The following EVC2 variants were observed in gnomAD, a reference collection of about 807,000 sequenced individuals.
EVC2 encodes the protein EvC ciliary complex subunit 2.
Under a neutral mutation model 149.3 loss-of-function variants are expected in EVC2, and 148 were observed. The ratio of observed to expected loss-of-function variants is 0.99; its 90% CI spans 0.87 to 1.14. The LOEUF is 1.14. Ranked by LOEUF, EVC2 falls within the 50% of genes most tolerant of loss-of-function variation. EVC2 has a pLI of 0.00. For synonymous variants in EVC2, 776 were observed against 649.9 expected (o/e 1.19, Z -2.95); for missense variants, 1,854 against 1,627.3 (o/e 1.14, Z -2.40).
downstream of EVC2, among the ~76,000 whole-genome samples, chr4:5,561,222 G>A (rs1721941787): frequency 6.6e-6 from 1 of 152,208 alleles, no homozygotes; most frequent in African/African-American, 2.4e-5. Context: ...CATAGATGTG[G>A]TGGACTTTAC....
chr4:5,651,188 G>A (rs1407254144), intron 9 of EVC2, among the ~76,000 whole-genome samples: 1 of 152,084 alleles, frequency 6.6e-6, no homozygotes, highest in Non-Finnish European at 1.5e-5. Context: ...GCGAATAGAT[G>A]GGTCGATAGA....
intron 13 of EVC2, among the ~76,000 whole-genome samples, chr4:5,623,817 T>TAAA (rs1715913174): frequency 2.0e-5 from 3 of 152,204 alleles, no homozygotes; most frequent in South Asian, 4.1e-4. Context: ...TGCGCCTCCA[T>TAAA]TTCCCTATCT....
rs1722025355 is a variant in EVC2, at chr4:5,562,648, T to A, written c.*200A>T. 1 of 1,446,464 alleles carries A rather than the reference T, an allele frequency of 6.9e-7. No individual in the cohort carries two copies. Among genetic ancestry groups the A allele is most frequent in the Non-Finnish European group, 9.0e-7 (1 of 1,106,014 alleles). The allele number at this position is 1,446,464 out of a possible 1,614,324, so 89.6% of individuals were successfully genotyped here. A position where few individuals can be genotyped will look rare whatever the true frequency, so the allele number is the denominator to read the frequency against. Reference sequence around the variant, plus strand: ...AAGGAGTGTTTATGTCCTTGTGATATGGAAGAGAGTGGGCCATCTGGAAAT... The same window carrying A: ...AAGGAGTGTTTATGTCCTTGTGATAAGGAAGAGAGTGGGCCATCTGGAAAT... On this transcript the variant is annotated 3_prime_UTR_variant, in exon 22 of 22. Transcript: ENST00000344408. The surrounding 1 kb of genome is among the most constrained non-coding windows in gnomAD (Gnocchi z 4.3).
chr4:5,609,757 C>A (rs142912153), intron 16 of EVC2, among the ~76,000 whole-genome samples: 1 of 152,286 alleles, frequency 6.6e-6, no homozygotes, highest in Non-Finnish European at 1.5e-5. Context: ...TGAAAACATT[C>A]TTTGACAGTT....
intron 9 of EVC2, among the ~76,000 whole-genome samples, chr4:5,641,789 T>C (rs940210604): frequency 6.6e-6 from 1 of 152,228 alleles, no homozygotes; most frequent in African/African-American, 2.4e-5. Flanking sequence ...ATTTTTTATT[T>C]TACCTTAAGT....
intron 16 of EVC2, among the ~76,000 whole-genome samples, chr4:5,593,827 G>A (rs1321651933): frequency 6.6e-6 from 1 of 152,154 alleles, no homozygotes; most frequent in African/African-American, 2.4e-5. Flanking sequence ...CAAAGAAAGG[G>A]GTGACAGATG....
intron 12 of EVC2, among the ~76,000 whole-genome samples, chr4:5,626,619 C>T (rs1716136875): frequency 1.3e-5 from 2 of 152,134 alleles, no homozygotes; most frequent in South Asian, 4.1e-4. Flanking sequence ...CAGGCGTGAG[C>T]TACTGCGCCT....
chr4:5,583,682 T>C (rs928554590), intron 17 of EVC2, among the ~76,000 whole-genome samples: 1 of 152,172 alleles, frequency 6.6e-6, no homozygotes, highest in East Asian at 1.9e-4. Context: ...ACTGCATCTA[T>C]AGTCGTGTTG....
chr4:5,698,720 CCA>C (rs1255424340), intron 1 of EVC2, among the ~76,000 whole-genome samples: 1 of 152,252 alleles, frequency 6.6e-6, no homozygotes, highest in Non-Finnish European at 1.5e-5. Context: ...AGCACTACCC[CCA>C]GTCTACAGTA....
At chr4:5,594,349 C>T (rs1055579402) in intron 16 of EVC2, among the ~76,000 whole-genome samples, 24 of 152,166 alleles carry the variant, frequency 1.6e-4, no homozygotes, top group South Asian at 4.1e-4. Context: ...ACACCTCACA[C>T]GGCCGGGTAC....
intron 19 of EVC2, among the ~76,000 whole-genome samples, chr4:5,571,694 T>C (rs549073791): frequency 4.6e-5 from 7 of 152,320 alleles, no homozygotes; most frequent in East Asian, 1.9e-4. Context: ...AATATGGGGC[T>C]TCCTCCAGTC....
At chr4:5,600,012 C>T (rs892971262) in intron 16 of EVC2, among the ~76,000 whole-genome samples, 1 of 152,168 alleles carries the variant, frequency 6.6e-6, no homozygotes, top group South Asian at 2.1e-4. Flanking sequence ...CTTCTACCAC[C>T]CCTATCATCT....
intron 7 of EVC2, among the ~76,000 whole-genome samples, chr4:5,678,141 A>G (rs13144431): frequency 0.35 from 53,326 of 152,004 alleles, 10,165 homozygotes; most frequent in Non-Finnish European, 0.43. Context: ...GGTTTCCACT[A>G]TTTTCTGGTA....
intron 1 of EVC2, among the ~76,000 whole-genome samples, chr4:5,701,615 T>C (rs975175999): frequency 2.7e-4 from 41 of 152,208 alleles, no homozygotes; most frequent in Non-Finnish European, 2.9e-5. Flanking sequence ...GGTGAGCTCA[T>C]CCAGGCCCTC....
chr4:5,659,780 C>T (rs1718762835), intron 9 of EVC2, among the ~76,000 whole-genome samples: 1 of 152,076 alleles, frequency 6.6e-6, no homozygotes, highest in African/African-American at 2.4e-5. Context: ...CTTCTTATGC[C>T]CCATCACTTT....
chr4:5,659,311 C>T (rs1359011420), intron 9 of EVC2, among the ~76,000 whole-genome samples: 1 of 151,698 alleles, frequency 6.6e-6, no homozygotes, highest in Non-Finnish European at 1.5e-5. Context: ...TACTAAGCTC[C>T]TGCCATTCTG....
chr4:5,572,214 T>C (rs1312189369), intron 19 of EVC2, among the ~76,000 whole-genome samples: 1 of 152,204 alleles, frequency 6.6e-6, no homozygotes, highest in African/African-American at 2.4e-5. Context: ...AAAACAATCC[T>C]ACCTGGTGCC....
At chr4:5,644,620 C>T (rs958100035) in intron 9 of EVC2, among the ~76,000 whole-genome samples, 2 of 152,120 alleles carry the variant, frequency 1.3e-5, no homozygotes, top group African/African-American at 2.4e-5. Context: ...TTTCTTTAAG[C>T]GTGCAGTTCA....
chr4:5,678,958 G>A (rs1025666732), intron 7 of EVC2, among the ~76,000 whole-genome samples: 1 of 151,928 alleles, frequency 6.6e-6, no homozygotes, highest in Non-Finnish European at 1.5e-5. Context: ...TTGAATCTGG[G>A]AGGCAGAGGT....
Sources: gnomAD v4.1 joint callset for allele counts (sites outside exome capture counted in the v4.1 genomes callset) on GRCh38, gnomAD v4.1.1 for gene constraint, Gnocchi (gnomAD v3.1) non-coding constraint, MANE v1.5 for transcripts, NCBI Gene and HGNC (gene_info 2026-07-23, HGNC 2026-07-21) for gene names.